ZNF385B: variants seen among roughly 807,000 people sequenced by gnomAD.
ZNF385B encodes the protein zinc finger protein 533.
A neutral mutation model predicts 39.2 loss-of-function variants in ZNF385B; 23 were observed. The observed-to-expected ratio is 0.59, with a 90% CI of 0.42 to 0.83. The LOEUF (loss-of-function observed/expected upper bound fraction) is 0.83, where lower values mean the gene tolerates loss of function less well. Among genes scored for constraint, ZNF385B ranks in the 40% least tolerant of loss-of-function variants. The pLI is 0.00. For synonymous variants in ZNF385B, 205 were observed against 222.6 expected, an observed-to-expected ratio of 0.92 and a Z score of 0.70; for missense variants, 552 against 598.9, an observed-to-expected ratio of 0.92 and a Z score of 0.82.
At chr2:179,765,400 G>A (rs532029638) in intron 3 of ZNF385B, among the ~76,000 whole-genome samples, 1 of 152,210 alleles carries the variant, frequency 6.6e-6, no homozygotes, top group Admixed American at 6.5e-5. Context: ...GATTTGGGGT[G>A]GGTTGAGGAG....
intron 3 of ZNF385B, among the ~76,000 whole-genome samples, chr2:179,546,704 C>T (rs1028366602): frequency 2.3e-5 from 3 of 132,460 alleles, no homozygotes; most frequent in Admixed American, 7.2e-5. Flanking sequence ...GATATGTGTT[C>T]GATATACTGA....
intron 3 of ZNF385B, among the ~76,000 whole-genome samples, chr2:179,675,553 C>G (rs746083394): frequency 6.6e-6 from 1 of 152,192 alleles, no homozygotes; most frequent in African/African-American, 2.4e-5. Flanking sequence ...TAAGAATACA[C>G]TGGCAGCTTG....
intron 3 of ZNF385B, among the ~76,000 whole-genome samples, chr2:179,618,811 T>C (rs1293767115): frequency 2.0e-5 from 3 of 152,156 alleles, no homozygotes; most frequent in Non-Finnish European, 4.4e-5. Context: ...AGTGACAAGG[T>C]ACCTCAAAAG....
chr2:179,694,783 T>G (rs562658097), intron 3 of ZNF385B, among the ~76,000 whole-genome samples: 1 of 152,022 alleles, frequency 6.6e-6, no homozygotes, highest in East Asian at 1.9e-4. Flanking sequence ...ATACAAAAAT[T>G]AGCCAGTGTG....
chr2:179,488,495 G>A (rs934964970), intron 5 of ZNF385B, among the ~76,000 whole-genome samples: 1 of 152,256 alleles, frequency 6.6e-6, no homozygotes, highest in East Asian at 1.9e-4. Flanking sequence ...CTAGAATCTT[G>A]AATGAGGACA....
intron 6 of ZNF385B, among the ~76,000 whole-genome samples, chr2:179,467,836 AT>A (rs2052250632): frequency 6.6e-6 from 1 of 152,136 alleles, no homozygotes; most frequent in Admixed American, 6.6e-5. Flanking sequence ...TAAAAAGCAT[AT>A]TCATTTTAAG....
intron 1 of ZNF385B, among the ~76,000 whole-genome samples, chr2:179,773,723 G>A (rs1318496612): frequency 6.6e-6 from 1 of 152,214 alleles, no homozygotes; most frequent in Non-Finnish European, 1.5e-5. Context: ...TCAAGGAGAT[G>A]TCTCAGGGGA....
At chr2:179,681,617 A>T (rs966405935) in intron 3 of ZNF385B, among the ~76,000 whole-genome samples, 5 of 152,236 alleles carry the variant, frequency 3.3e-5, no homozygotes, top group African/African-American at 4.8e-5. Context: ...CAGGTATTTT[A>T]AAATTGCATA....
At chr2:179,728,821 ATATATT>A (rs1240574024) in intron 3 of ZNF385B, among the ~76,000 whole-genome samples, 1 of 152,120 alleles carries the variant, frequency 6.6e-6, no homozygotes, top group Non-Finnish European at 1.5e-5. Flanking sequence ...ATTCCATTTT[ATATATT>A]TATAACTTTA....
At chr2:179,602,064 C>G (rs1252141256) in intron 3 of ZNF385B, among the ~76,000 whole-genome samples, 10 of 152,124 alleles carry the variant, frequency 6.6e-5, no homozygotes, top group Admixed American at 6.5e-4. Flanking sequence ...AATTAAATGT[C>G]TCTTTGTAGT....
At chr2:179,518,408 A>C in intron 5 of ZNF385B, 120 bp downstream of exon 5, 1 of 704,880 alleles carries the variant, frequency 1.4e-6, no homozygotes, top group Non-Finnish European at 2.3e-6. Flanking sequence ...TCCTGAAATT[A>C]GTGGGCTACC....
intron 1 of ZNF385B, among the ~76,000 whole-genome samples, chr2:179,813,113 T>G (rs1706840689): frequency 6.6e-6 from 1 of 152,212 alleles, no homozygotes; most frequent in East Asian, 1.9e-4. Context: ...CTGATAAAGA[T>G]CATCACTATC....
chr2:179,727,740 C>T (rs1701111220), intron 3 of ZNF385B, among the ~76,000 whole-genome samples: 1 of 152,024 alleles, frequency 6.6e-6, no homozygotes, highest in Non-Finnish European at 1.5e-5. Flanking sequence ...CAACATGTCA[C>T]ACCTAAATCC....
intron 3 of ZNF385B, among the ~76,000 whole-genome samples, chr2:179,683,109 A>T (rs1458961371): frequency 6.6e-6 from 1 of 152,136 alleles, no homozygotes; most frequent in Non-Finnish European, 1.5e-5. Context: ...ACACCAGGCC[A>T]GGCGCCGGTG....
intron 1 of ZNF385B, among the ~76,000 whole-genome samples, chr2:179,790,523 G>A (rs778464060): frequency 1.2e-4 from 18 of 152,174 alleles, no homozygotes; most frequent in Non-Finnish European, 2.2e-4. Context: ...TTCTTGAAAT[G>A]CTAAGAAACT....
chr2:179,735,532 G>A (rs562342965), intron 3 of ZNF385B, among the ~76,000 whole-genome samples: 1 of 135,734 alleles, frequency 7.4e-6, no homozygotes, highest in East Asian at 2.3e-4. Context: ...CCATTACTGG[G>A]TATATACCCA....
At chr2:179,643,715 G>C (rs918370390) in intron 3 of ZNF385B, among the ~76,000 whole-genome samples, 2 of 152,108 alleles carry the variant, frequency 1.3e-5, no homozygotes, top group African/African-American at 4.8e-5. Context: ...GAGGGATGGA[G>C]AGACAGTGTA....
chr2:179,709,133 C>T (rs1241606101), intron 3 of ZNF385B, among the ~76,000 whole-genome samples: 1 of 152,156 alleles, frequency 6.6e-6, no homozygotes, highest in African/African-American at 2.4e-5. Flanking sequence ...TCATCTTGCC[C>T]CAGGAATATT....
intron 1 of ZNF385B, among the ~76,000 whole-genome samples, chr2:179,858,945 G>C (rs759969334): frequency 2.6e-5 from 4 of 152,172 alleles, no homozygotes. Context: ...CAGGGGAGGC[G>C]GGGTGGCCAG....
Sources: gnomAD v4.1 joint callset for allele counts (sites outside exome capture counted in the v4.1 genomes callset) on GRCh38, gnomAD v4.1.1 for gene constraint, MANE v1.5 for transcripts, NCBI Gene and HGNC (gene_info 2026-07-23, HGNC 2026-07-21) for gene names.